The following MMP16 variants were observed in gnomAD, a reference collection of about 807,000 sequenced individuals.
MMP16 encodes matrix metallopeptidase 16.
MMP16 carries 12 observed loss-of-function variants against 67.8 expected under a neutral mutation model. The observed-to-expected ratio is 0.18, with a 90% confidence interval of 0.11 to 0.29. The LOEUF (loss-of-function observed/expected upper bound fraction) is 0.29. Among genes scored for constraint, MMP16 ranks in the 10% least tolerant of loss-of-function variants. The pLI is 1.00. For missense variants in MMP16, 475 were observed against 765.7 expected (o/e 0.62, Z 4.48); for synonymous variants, 249 against 255.9 (o/e 0.97, Z 0.26).
intron 1 of MMP16, among the ~76,000 whole-genome samples, chr8:88,263,439 A>G (rs756078497): frequency 3.3e-4 from 50 of 152,106 alleles, no homozygotes; most frequent in Non-Finnish European, 6.5e-4. Flanking sequence ...CACCCATCCG[A>G]CACATGAGTT....
At chr8:88,078,944 C>T (rs1404987053) in intron 6 of MMP16, among the ~76,000 whole-genome samples, 5 of 152,142 alleles carry the variant, frequency 3.3e-5, no homozygotes, top group Non-Finnish European at 7.4e-5. Flanking sequence ...TTCTCACCAT[C>T]ACCACTGTCA....
At chr8:88,079,200 C>T (rs1166691783) in intron 6 of MMP16, among the ~76,000 whole-genome samples, 5 of 152,090 alleles carry the variant, frequency 3.3e-5, no homozygotes, top group South Asian at 2.1e-4. Context: ...GTTTGCCCTA[C>T]AGTAGGCCCT....
intron 4 of MMP16, among the ~76,000 whole-genome samples, chr8:88,154,289 C>T (rs1251016720): frequency 2.5e-4 from 35 of 140,540 alleles, no homozygotes; most frequent in South Asian, 7.5e-4. Context: ...CTAGTTCAAC[C>T]ATTGTGGAAG....
In MMP16 at chr8:88,133,683, G is replaced by A. The variant is rs1265430298; in HGVS notation, c.710-14822C>T. Among the ~76,000 whole-genome samples, 6 of 151,602 alleles carry A rather than the reference G, an allele frequency of 4.0e-5. No individual in the cohort carries two copies. The East Asian group carries it at 1.2e-3, about 29-fold the overall frequency. On this transcript the variant is annotated intron_variant, in intron 4 of 9. Transcript: ENST00000286614. ...CCATTTTTTGACAAAAAAAATTAGAGCTTAAAATAATGATGCAGAATTAAA... is the reference window on the plus strand; with the variant it reads ...CCATTTTTTGACAAAAAAAATTAGAACTTAAAATAATGATGCAGAATTAAA...
chr8:88,129,081 A>G (rs951873937), intron 4 of MMP16, among the ~76,000 whole-genome samples: 2 of 151,782 alleles, frequency 1.3e-5, no homozygotes, highest in African/African-American at 4.8e-5. Context: ...TTGAGTTACT[A>G]GAGTAGGTGT....
intron 7 of MMP16, among the ~76,000 whole-genome samples, chr8:88,063,468 C>T (rs1434198178): frequency 4.0e-5 from 6 of 148,174 alleles, no homozygotes; most frequent in Non-Finnish European, 8.9e-5. Flanking sequence ...AGGAAACATG[C>T]AGTACCTAAT....
intron 3 of MMP16, among the ~76,000 whole-genome samples, chr8:88,177,527 A>AC (rs1808912465): frequency 6.6e-6 from 1 of 152,040 alleles, no homozygotes; most frequent in African/African-American, 2.4e-5. Flanking sequence ...TACGTGTTTT[A>AC]CCCCCAGGAC....
chr8:88,084,561 G>C (rs1010638424), intron 6 of MMP16, among the ~76,000 whole-genome samples: 1 of 151,928 alleles, frequency 6.6e-6, no homozygotes, highest in Non-Finnish European at 1.5e-5. Flanking sequence ...ATTGGATCCC[G>C]TATTTAAAGA....
chr8:88,154,497 G>C (rs1384662350), intron 4 of MMP16, among the ~76,000 whole-genome samples: 1 of 150,206 alleles, frequency 6.7e-6, no homozygotes, highest in Non-Finnish European at 1.5e-5. Flanking sequence ...ACTGGATTAA[G>C]AAAATGGGGC....
At chr8:88,149,143 C>A (rs1465179088) in intron 4 of MMP16, among the ~76,000 whole-genome samples, 1 of 152,222 alleles carries the variant, frequency 6.6e-6, no homozygotes, top group East Asian at 1.9e-4. Context: ...GAATATTGCG[C>A]TTTTCAGACG....
At chr8:88,223,029 G>C (rs1265773566) in intron 1 of MMP16, among the ~76,000 whole-genome samples, 1 of 152,036 alleles carries the variant, frequency 6.6e-6, no homozygotes, top group Non-Finnish European at 1.5e-5. Flanking sequence ...TCAAAAAATG[G>C]GCAAAGGATA....
chr8:88,319,876 A>G (rs1043781074), intron 1 of MMP16, among the ~76,000 whole-genome samples: 4 of 152,194 alleles, frequency 2.6e-5, no homozygotes, highest in Non-Finnish European at 4.4e-5. Context: ...TCTAAGGACT[A>G]TCTCTCTTGA....
At chr8:88,211,543 C>G (rs1380418814) in intron 1 of MMP16, among the ~76,000 whole-genome samples, 1 of 152,066 alleles carries the variant, frequency 6.6e-6, no homozygotes, top group African/African-American at 2.4e-5. Context: ...TGGGGCAGAG[C>G]ACTAGGAGAA....
At chr8:88,160,994 T>C (rs1374242456) in intron 4 of MMP16, among the ~76,000 whole-genome samples, 1 of 152,110 alleles carries the variant, frequency 6.6e-6, no homozygotes, top group Non-Finnish European at 1.5e-5. Context: ...TCAGGGATAT[T>C]GGTCTAAAAT....
chr8:88,098,791 A>C (rs1563531027), intron 6 of MMP16, among the ~76,000 whole-genome samples: 2 of 151,910 alleles, frequency 1.3e-5, no homozygotes, highest in Non-Finnish European at 2.9e-5. Context: ...TTAATTTTGT[A>C]AGTATGTAAG....
At chr8:88,220,713 A>T (rs1268071334) in intron 1 of MMP16, among the ~76,000 whole-genome samples, 1 of 152,112 alleles carries the variant, frequency 6.6e-6, no homozygotes, top group Admixed American at 6.6e-5. Flanking sequence ...AAGGAAGAAG[A>T]TTCACTTCAG....
chr8:88,227,755 T>G (rs904310239), intron 1 of MMP16, among the ~76,000 whole-genome samples: 16 of 152,164 alleles, frequency 1.1e-4, no homozygotes, highest in Non-Finnish European at 2.2e-4. Flanking sequence ...AAAGTAAAAT[T>G]TAATTTCTGC....
At chr8:88,147,612 T>C (rs1404844342) in intron 4 of MMP16, among the ~76,000 whole-genome samples, 1 of 151,746 alleles carries the variant, frequency 6.6e-6, no homozygotes, top group Non-Finnish European at 1.5e-5. Context: ...TGGGTAATTC[T>C]AGGTTGAGTT....
At chr8:88,102,473 C>G (rs1303368830) in intron 6 of MMP16, among the ~76,000 whole-genome samples, 6 of 151,750 alleles carry the variant, frequency 4.0e-5, no homozygotes, top group African/African-American at 1.5e-4. Flanking sequence ...CTTCAGGAAC[C>G]TCCATGTGTT....
Sources: allele counts gnomAD v4.1 joint callset (sites outside exome capture counted in the v4.1 genomes callset), GRCh38; gene constraint gnomAD v4.1.1; transcripts MANE v1.5; gene names NCBI Gene and HGNC (gene_info 2026-07-23, HGNC 2026-07-21).